PTPN3: variants seen among roughly 807,000 people sequenced by gnomAD.
The protein encoded by PTPN3 is tyrosine-protein phosphatase non-receptor type 3.
In PTPN3, 96 loss-of-function variants were observed where a neutral mutation model predicts 132.7. The ratio of observed to expected loss-of-function variants is 0.72; its 90% confidence interval spans 0.61 to 0.86. PTPN3 has a LOEUF of 0.86. Among genes scored for constraint, PTPN3 ranks in the 40% least tolerant of loss-of-function variants. PTPN3 has a pLI of 0.00. For missense variants in PTPN3, 1,125 were observed against 1,159.6 expected, an observed-to-expected ratio of 0.97 and a Z score of 0.43; for synonymous variants, 398 against 429.0, an observed-to-expected ratio of 0.93 and a Z score of 0.89.
At chr9:109,513,986 A>C in the PTPN3 span, among the ~76,000 whole-genome samples, 1 of 152,180 alleles carries the variant, frequency 6.6e-6, no homozygotes, top group Non-Finnish European at 1.5e-5. Flanking sequence ...CCCCAAGCTA[A>C]CAGATCAACT....
intron 8 of PTPN3, 51 bp downstream of exon 8, chr9:109,438,063 T>G (rs543572886): frequency 1.9e-6 from 3 of 1,563,866 alleles, no homozygotes; most frequent in African/African-American, 2.7e-5. Context: ...ATATGATGTC[T>G]GAAAATACCC....
chr9:109,440,950 G>A (rs1324865924), intron 7 of PTPN3, among the ~76,000 whole-genome samples: 1 of 152,144 alleles, frequency 6.6e-6, no homozygotes, highest in Non-Finnish European at 1.5e-5. Flanking sequence ...AACACTGGGC[G>A]GTTTCACATC....
At chr9:109,456,678 GAGTT>G (rs953077808) in intron 4 of PTPN3, among the ~76,000 whole-genome samples, 2 of 152,234 alleles carry the variant, frequency 1.3e-5, no homozygotes, top group Non-Finnish European at 1.5e-5. Flanking sequence ...ACCGAACTGG[GAGTT>G]AGCTGCAGCA....
At position 109,478,444 on chromosome 9, in the gene PTPN3, T is replaced by TC. The variant is rs1455709804; in HGVS notation, c.-17-14994dup. Among the ~76,000 whole-genome samples the TC allele has an allele frequency of 2.0e-5, 3 of 152,164 alleles. No homozygotes were observed. The East Asian group carries it at 5.8e-4, about 29-fold the overall frequency. On this transcript the variant is annotated intron_variant, in intron 1 of 25. Coordinates refer to ENST00000374541, the MANE Select transcript of PTPN3 (RefSeq NM_002829.4). ...TGTGGCTGGGTGTTCAGATGACTTC[T>TC]CACTAGCAGAGCTCAGATGTCAGAA...
chr9:109,429,540 C>A (rs1456306628), intron 10 of PTPN3, among the ~76,000 whole-genome samples: 3 of 152,194 alleles, frequency 2.0e-5, no homozygotes, highest in Non-Finnish European at 4.4e-5. Context: ...TTACAGTTGA[C>A]CCTTGATTAA....
chr9:109,457,328 AAAAT>A lies in PTPN3; in HGVS notation c.206_209del (p.Tyr69LeufsTer26), dbSNP rs1845616241. On this transcript the variant is annotated frameshift_variant, in exon 3 of 26. Transcript: ENST00000374541. LOFTEE classifies it high-confidence loss of function. ...CGGAGTCGTCATCATGCTGTAAACC[AAAAT>A]ATTCCTTTTCAGTCACACCCAGGTG... 8.1e-6 allele frequency: 13 copies of A among 1,614,236 alleles called. No homozygotes were observed. Among genetic ancestry groups the A allele is most frequent in the Non-Finnish European group, 1.0e-5 (12 of 1,180,032 alleles).
chr9:109,387,119 G>C (rs971888413), intron 22 of PTPN3, among the ~76,000 whole-genome samples: 6 of 152,182 alleles, frequency 3.9e-5, no homozygotes, highest in African/African-American at 7.2e-5. Context: ...GTACCACCTG[G>C]GTGCAGGTGC....
At position 109,457,351 on chromosome 9, in the gene PTPN3, C is replaced by T; in HGVS notation, c.187G>A (p.Gly63Ser). 1.9e-6 allele frequency: 3 copies of T among 1,614,164 alleles called. No homozygotes were observed. Among genetic ancestry groups the T allele is most frequent in the Non-Finnish European group, 2.5e-6 (3 of 1,180,038 alleles). Residue 63 changes from glycine (G) to serine (S), a missense_variant, in exon 3 of 26, where the codon GGT becomes AGT. By Grantham distance (56) the Gly-to-Ser change is moderately conservative (BLOSUM62 0). Transcript: ENST00000374541. ...CCAAAATATTCCTTTTCAGTCACAC[C>T]CAGGTGGTTGTGCACCATATCCAGA... The part of the protein sequence containing the change: ...VLLDMVHNHL[G>S]VTEKEYFGLQ...
At chr9:109,389,181 C>A in intron 22 of PTPN3, 52 bp downstream of exon 22, 1 of 1,595,706 alleles carries the variant, frequency 6.3e-7, no homozygotes, top group Non-Finnish European at 8.5e-7. Context: ...TCATGTTACA[C>A]AGAGTAGGGT....
chr9:109,400,355 T>G (rs913247861), intron 19 of PTPN3, among the ~76,000 whole-genome samples: 1 of 152,182 alleles, frequency 6.6e-6, no homozygotes, highest in African/African-American at 2.4e-5. Context: ...ACATTAAGTA[T>G]TTATCTCATC....
intron 19 of PTPN3, among the ~76,000 whole-genome samples, chr9:109,399,882 G>T (rs1840929636): frequency 6.6e-6 from 1 of 150,586 alleles, no homozygotes; most frequent in Non-Finnish European, 1.5e-5. Flanking sequence ...AGAAGGTAGA[G>T]AACTGGAACA....
At chr9:109,534,623 A>T in the PTPN3 span, among the ~76,000 whole-genome samples, 1 of 24,608 alleles carries the variant, frequency 4.1e-5, no homozygotes, top group African/African-American at 4.0e-4. Context: ...CTAAAAATAC[A>T]AAAAAATACA....
chr9:109,536,500 T>C, the PTPN3 span, among the ~76,000 whole-genome samples: 1 of 152,218 alleles, frequency 6.6e-6, no homozygotes, highest in Non-Finnish European at 1.5e-5. Flanking sequence ...AATGATACGA[T>C]GCCTTTAATT....
chr9:109,401,866 T>A (rs966786512), intron 19 of PTPN3, among the ~76,000 whole-genome samples: 3 of 152,068 alleles, frequency 2.0e-5, no homozygotes, highest in African/African-American at 7.2e-5. Flanking sequence ...ATCCCACACA[T>A]CTCACTCCAG....
chr9:109,510,185 C>A, the PTPN3 span, among the ~76,000 whole-genome samples: 1 of 152,164 alleles, frequency 6.6e-6, no homozygotes, highest in Non-Finnish European at 1.5e-5. Flanking sequence ...TGAACCCCAT[C>A]TATTCAATGG....
intron 1 of PTPN3, among the ~76,000 whole-genome samples, chr9:109,494,717 T>C (rs1285558239): frequency 6.6e-6 from 1 of 152,154 alleles, no homozygotes; most frequent in Non-Finnish European, 1.5e-5. Flanking sequence ...TACAGGACCA[T>C]GGACAGATGG....
the PTPN3 span, among the ~76,000 whole-genome samples, chr9:109,522,742 A>G: frequency 1.3e-5 from 2 of 152,234 alleles, no homozygotes; most frequent in African/African-American, 4.8e-5. Flanking sequence ...ACACAAGTGA[A>G]AAGCCACATG....
chr9:109,450,269 T>G, intron 5 of PTPN3: 2 of 985,400 alleles, frequency 2.0e-6, no homozygotes, highest in Non-Finnish European at 2.4e-6. Context: ...TCTCCATCTT[T>G]TCCACCTAGG....
At chr9:109,460,842 C>A (rs1159514546) in intron 2 of PTPN3, among the ~76,000 whole-genome samples, 2 of 152,184 alleles carry the variant, frequency 1.3e-5, no homozygotes, top group African/African-American at 4.8e-5. Flanking sequence ...GGATTTTGTT[C>A]TGTTTTGTGC....
Sources: gnomAD v4.1 joint callset for allele counts (sites outside exome capture counted in the v4.1 genomes callset) on GRCh38, gnomAD v4.1.1 for gene constraint, MANE v1.5 for transcripts, NCBI Gene and HGNC (gene_info 2026-07-23, HGNC 2026-07-21) for gene names.